Variants in ARID1A observed in about 807,000 individuals in gnomAD.
ARID1A encodes AT-rich interactive domain-containing protein 1A.
ARID1A carries 20 observed loss-of-function variants against 212.6 expected under a neutral mutation model. The observed-to-expected ratio is 0.09, with a 90% CI of 0.07 to 0.14. ARID1A has a LOEUF of 0.14. Ranked by LOEUF, ARID1A falls within the 10% of genes least tolerant of loss-of-function variation. The probability of loss-of-function intolerance (pLI) is 1.00; values close to 1 mark genes in which losing one functional copy is unlikely to be tolerated. For synonymous variants in ARID1A, 1,376 were observed against 1,222.1 expected, an observed-to-expected ratio of 1.13 and a Z score of -2.63; for missense variants, 2,587 against 3,059.0, an observed-to-expected ratio of 0.85 and a Z score of 3.64.
At chr1:26,768,056 G>C (rs2124088404) in intron 11 of ARID1A, 57 bp downstream of exon 11, 1 of 1,547,086 alleles carries the variant, frequency 6.5e-7, no homozygotes, top group South Asian at 1.2e-5. Context: ...CCCTTTCTAG[G>C]TACTCACTGG....
At position 26,696,060 on chromosome 1, in the gene ARID1A, G is replaced by T; in HGVS notation, c.-344G>T. The T allele has an allele frequency of 1.6e-6, 1 of 618,678 alleles. No homozygotes were observed. The highest frequency in any genetic ancestry group is 2.1e-6 in the Non-Finnish European group (1 of 484,122). 38.3% of individuals were successfully genotyped at this position (618,678 alleles called of 1,614,324 possible). ...AAGCGGAGAGTCACAGCGGGGCCAG[G>T]CCCTGGGGAGCGGAGCCTCCACCGC... On this transcript the variant is annotated 5_prime_UTR_variant, in exon 1 of 20. Coordinates refer to ENST00000324856, the MANE Select transcript of ARID1A (RefSeq NM_006015.6).
At chr1:26,704,348 A>G (rs1158711581) in intron 1 of ARID1A, among the ~76,000 whole-genome samples, 9 of 152,180 alleles carry the variant, frequency 5.9e-5, no homozygotes, top group African/African-American at 1.9e-4. Context: ...TGGTGGTTCA[A>G]CTTTGTTGGT....
rs1441882203 is a variant in ARID1A, at chr1:26,780,780, C to G, written c.*24C>G. 5 of 1,543,412 alleles carry G rather than the reference C, an allele frequency of 3.2e-6. No individual in the cohort carries two copies. The highest frequency in any genetic ancestry group is 4.4e-6 in the Non-Finnish European group (5 of 1,146,262). ...GACAGCCGTGGGACACCTCCCCCCCCCGTGTGTGTGTGCGTGTGTGGAGAA... is the reference window on the plus strand; with the variant it reads ...GACAGCCGTGGGACACCTCCCCCCCGCGTGTGTGTGTGCGTGTGTGGAGAA... On this transcript the variant is annotated 3_prime_UTR_variant, in exon 20 of 20. Transcript: ENST00000324856. This position sits in a 1 kb window ranked among gnomAD's most constrained non-coding sequence, Gnocchi z 7.2.
At chr1:26,721,681 A>T (rs1013745317) in intron 1 of ARID1A, among the ~76,000 whole-genome samples, 1 of 152,238 alleles carries the variant, frequency 6.6e-6, no homozygotes, top group African/African-American at 2.4e-5. Context: ...GCCACCTGTT[A>T]TGGAAAATGT....
intron 4 of ARID1A, among the ~76,000 whole-genome samples, chr1:26,750,968 AG>A (rs1008228662): frequency 6.6e-6 from 1 of 152,128 alleles, no homozygotes; most frequent in African/African-American, 2.4e-5. Context: ...ATTAGGAAAG[AG>A]GGGGGCCGGG....
chr1:26,722,370 C>G (rs375708139), intron 1 of ARID1A, among the ~76,000 whole-genome samples: 167 of 152,210 alleles, frequency 1.1e-3, no homozygotes, highest in African/African-American at 3.8e-3. Context: ...CTCAGCCTCC[C>G]GAGTAGCTGG....
intron 1 of ARID1A, among the ~76,000 whole-genome samples, chr1:26,712,799 C>T (rs2080466589): frequency 6.6e-6 from 1 of 152,230 alleles, no homozygotes. Context: ...CAAGACCTGT[C>T]TCCAGTTGTA....
intron 1 of ARID1A, among the ~76,000 whole-genome samples, chr1:26,725,510 A>G (rs912919303): frequency 1.3e-5 from 2 of 152,176 alleles, no homozygotes; most frequent in African/African-American, 4.8e-5. Flanking sequence ...TGAACTGAAT[A>G]TATATTTAGT....
In ARID1A at chr1:26,771,559, C is replaced by T. The variant is rs2081082852; in HGVS notation, c.3406+233C>T. 5.4e-6 allele frequency: 3 copies of T among 557,996 alleles called. No homozygotes were observed. The highest frequency in any genetic ancestry group is 9.6e-6 in the Non-Finnish European group (3 of 313,666). 34.6% of individuals were successfully genotyped at this position (557,996 alleles called of 1,614,324 possible). On this transcript the variant is annotated intron_variant, in intron 12 of 19. Coordinates refer to ENST00000324856, the MANE Select transcript of ARID1A (RefSeq NM_006015.6). The surrounding 1 kb of genome is among the most constrained non-coding windows in gnomAD (Gnocchi z 5.4). The stretch of plus-strand genomic sequence containing the variant: ...TTAATTTTTGTTGTGCAGCTGACAA[C>T]TTGCCAAATGTTTGTAAACTGGTGA...
chr1:26,710,274 A>C (rs944044355), intron 1 of ARID1A, among the ~76,000 whole-genome samples: 3 of 151,322 alleles, frequency 2.0e-5, no homozygotes, highest in Non-Finnish European at 4.4e-5. Context: ...TCTCTATTAA[A>C]AGTACAAAAA....
At chr1:26,713,105 G>A (rs1259129476) in intron 1 of ARID1A, among the ~76,000 whole-genome samples, 2 of 152,212 alleles carry the variant, frequency 1.3e-5, no homozygotes, top group African/African-American at 4.8e-5. Context: ...ATATTTGTAT[G>A]TACAGATGAA....
At chr1:26,755,003 G>A (rs2080916049) in intron 4 of ARID1A, among the ~76,000 whole-genome samples, 1 of 152,166 alleles carries the variant, frequency 6.6e-6, no homozygotes, top group African/African-American at 2.4e-5. Flanking sequence ...CAGCTACTCT[G>A]GAGGTTGAGG....
intron 4 of ARID1A, among the ~76,000 whole-genome samples, chr1:26,746,926 G>A (rs1225489246): frequency 6.6e-6 from 1 of 152,202 alleles, no homozygotes; most frequent in Non-Finnish European, 1.5e-5. Context: ...CCAGCTACTT[G>A]GGAGGCTGAG....
chr1:26,728,708 C>G (rs912516424), intron 1 of ARID1A, among the ~76,000 whole-genome samples: 10 of 152,196 alleles, frequency 6.6e-5, no homozygotes, highest in African/African-American at 2.2e-4. Flanking sequence ...TGCCTACTCT[C>G]CATCTTGTGT....
chr1:26,748,247 G>A lies in ARID1A; in HGVS notation c.1921-12609G>A, dbSNP rs181731445. Among the ~76,000 whole-genome samples the A allele has an allele frequency of 5.3e-5, 8 of 152,272 alleles. No individual in the cohort carries two copies. The East Asian group carries it at 1.5e-3, about 29-fold the overall frequency. ...TGCTGTAATTCTGAGGGGCAACCAG[G>A]CTTGCTGTAGAGAGGAGAGCCAGAT... is the stretch of plus-strand genomic sequence containing the variant. On this transcript the variant is annotated intron_variant, in intron 4 of 19. Coordinates refer to ENST00000324856, the MANE Select transcript of ARID1A (RefSeq NM_006015.6).
intron 1 of ARID1A, among the ~76,000 whole-genome samples, chr1:26,717,228 A>G (rs1035258451): frequency 1.3e-5 from 2 of 152,082 alleles, no homozygotes; most frequent in African/African-American, 4.8e-5. Flanking sequence ...CATGTTTTTT[A>G]AGTAGGTATT....
intron 1 of ARID1A, among the ~76,000 whole-genome samples, chr1:26,714,395 CTT>C (rs1288288620): frequency 6.8e-6 from 1 of 148,090 alleles, no homozygotes; most frequent in Non-Finnish European, 1.5e-5. Context: ...CATCTATAAT[CTT>C]TTTTGTTTGT....
At chr1:26,735,213 C>A (rs1024160077) in intron 4 of ARID1A, among the ~76,000 whole-genome samples, 1 of 151,594 alleles carries the variant, frequency 6.6e-6, no homozygotes, top group Non-Finnish European at 1.5e-5. Context: ...GCAGCCTCCA[C>A]CTCCTGGGTT....
chr1:26,722,146 G>A (rs1170900873), intron 1 of ARID1A, among the ~76,000 whole-genome samples: 3 of 152,156 alleles, frequency 2.0e-5, no homozygotes, highest in Non-Finnish European at 1.5e-5. Flanking sequence ...GATATCATTG[G>A]AATGGGCTAA....
Sources: allele counts gnomAD v4.1 joint callset (sites outside exome capture counted in the v4.1 genomes callset), GRCh38; gene constraint gnomAD v4.1.1; non-coding constraint Gnocchi (gnomAD v3.1); transcripts MANE v1.5; gene names NCBI Gene and HGNC (gene_info 2026-07-23, HGNC 2026-07-21).